Variants in SLCO1C1 observed in about 807,000 individuals in gnomAD.
SLCO1C1 encodes the protein solute carrier organic anion transporter family member 1C1, also known as OAT-RP-5.
SLCO1C1 carries 70 observed loss-of-function variants against 76.4 expected under a neutral mutation model. That is an observed-to-expected ratio of 0.92 (90% confidence interval 0.76 to 1.12). The LOEUF is 1.12. Among genes scored for constraint, SLCO1C1 ranks in the 50% most tolerant of loss-of-function variants. The probability of loss-of-function intolerance (pLI) is 0.00; values close to 1 mark genes in which losing one functional copy is unlikely to be tolerated. For missense variants in SLCO1C1, 912 were observed against 823.8 expected (o/e 1.11, Z -1.31); for synonymous variants, 306 against 286.1 (o/e 1.07, Z -0.70).
chr12:20,699,405 T>C (rs1946412654), intron 1 of SLCO1C1, 147 bp from the exon 2 acceptor site: 3 of 618,068 alleles, frequency 4.9e-6, no homozygotes, highest in Admixed American at 3.9e-5. Context: ...TTGATTTTAA[T>C]TGAAAACATT....
At chr12:20,702,282 T>C (rs1946563122) in intron 3 of SLCO1C1, among the ~76,000 whole-genome samples, 1 of 151,904 alleles carries the variant, frequency 6.6e-6, no homozygotes, top group Admixed American at 6.6e-5. Flanking sequence ...TTTTCAACTC[T>C]TTAACAATTT....
chr12:20,699,914 A>G, intron 2 of SLCO1C1: 1 of 401,712 alleles, frequency 2.5e-6, no homozygotes, highest in Non-Finnish European at 4.2e-6. Flanking sequence ...GCTCATTTAA[A>G]TGCCCCCCCA....
intron 3 of SLCO1C1, among the ~76,000 whole-genome samples, chr12:20,703,620 AATTTT>A (rs533592159): frequency 6.6e-6 from 1 of 151,808 alleles, no homozygotes; most frequent in Non-Finnish European, 1.5e-5. Flanking sequence ...ATCAATGGTT[AATTTT>A]ATTTAGTACT....
At chr12:20,737,041 T>G in intron 10 of SLCO1C1, 66 bp from the exon 11 acceptor site, 1 of 1,342,120 alleles carries the variant, frequency 7.5e-7, no homozygotes, top group Non-Finnish European at 9.7e-7. Flanking sequence ...GAACATTGAT[T>G]TTTTGAAAAT....
At chr12:20,741,401 G>A (rs1588915) in intron 12 of SLCO1C1, among the ~76,000 whole-genome samples, 128,565 of 152,086 alleles carry the variant, frequency 0.85, 55,073 homozygotes, top group South Asian at 0.96. Context: ...AATAGTAACT[G>A]AATATTGATT....
intron 7 of SLCO1C1, 139 bp from the exon 8 acceptor site, chr12:20,721,665 T>TA (rs34902740): frequency 0.013 from 12,332 of 968,260 alleles, no homozygotes; most frequent in East Asian, 0.027. Context: ...AAGATCCAGA[T>TA]AAAAAAAAAA....
intron 13 of SLCO1C1, among the ~76,000 whole-genome samples, chr12:20,748,142 T>G (rs1282842096): frequency 1.3e-5 from 2 of 152,218 alleles, no homozygotes; most frequent in Non-Finnish European, 2.9e-5. Flanking sequence ...ACATGTAGGT[T>G]TGAATTAAGA....
intron 4 of SLCO1C1, among the ~76,000 whole-genome samples, chr12:20,710,210 T>C (rs1298702971): frequency 4.4e-5 from 6 of 135,900 alleles, no homozygotes; most frequent in Non-Finnish European, 7.8e-5. Context: ...CTTTTTTTTT[T>C]TTTTTTTTTT....
chr12:20,743,491 CT>C (rs969588413), intron 13 of SLCO1C1, 122 bp downstream of exon 13: 5 of 632,098 alleles, frequency 7.9e-6, no homozygotes, highest in African/African-American at 1.8e-5. Flanking sequence ...AGTTCATAGT[CT>C]TTTTTATTCC....
chr12:20,743,276 T>G (rs570051144), intron 12 of SLCO1C1, 29 bp from the exon 13 acceptor site: 3 of 1,603,120 alleles, frequency 1.9e-6, no homozygotes, highest in Admixed American at 3.4e-5. Context: ...ATTATATATT[T>G]CTTGTAATGG....
chr12:20,707,877 A>C (rs1270430752), intron 4 of SLCO1C1, among the ~76,000 whole-genome samples: 1 of 152,228 alleles, frequency 6.6e-6, no homozygotes, highest in East Asian at 1.9e-4. Context: ...TAGTGTTGAC[A>C]AAGGATATCA....
At chr12:20,740,448 A>C in intron 12 of SLCO1C1, 80 bp downstream of exon 12, 2 of 1,290,660 alleles carry the variant, frequency 1.5e-6, no homozygotes, top group South Asian at 2.7e-5. Flanking sequence ...TTTTCTGTGG[A>C]GTCTATGATT....
intron 3 of SLCO1C1, among the ~76,000 whole-genome samples, chr12:20,703,675 T>C (rs1425112702): frequency 6.6e-6 from 1 of 151,978 alleles, no homozygotes; most frequent in South Asian, 2.1e-4. Context: ...ATTATTCCCC[T>C]TCCATTTGTT....
chr12:20,714,621 G>T (rs1249963733), intron 5 of SLCO1C1, among the ~76,000 whole-genome samples: 4 of 152,078 alleles, frequency 2.6e-5, no homozygotes, highest in Non-Finnish European at 1.5e-5. Context: ...ATAAATGTAG[G>T]CAATACTGCC....
intron 9 of SLCO1C1, among the ~76,000 whole-genome samples, chr12:20,729,405 C>A (rs1232474547): frequency 1.3e-5 from 2 of 152,084 alleles, no homozygotes; most frequent in African/African-American, 4.8e-5. Context: ...TTATTGGAAA[C>A]CACTGAAAGA....
chr12:20,725,353 A>G (rs1251770236), intron 9 of SLCO1C1, among the ~76,000 whole-genome samples: 3 of 137,306 alleles, frequency 2.2e-5, no homozygotes, highest in Non-Finnish European at 4.7e-5. Flanking sequence ...TAAAATTTAT[A>G]GTATATTACA....
In SLCO1C1 at chr12:20,752,434, C is replaced by A; in HGVS notation, c.2045C>A (p.Thr682Lys). Residue 682 changes from threonine to lysine, a missense_variant, in exon 15 of 15, where the codon ACA becomes AAA. Coordinates refer to ENST00000266509, the MANE Select transcript of SLCO1C1 (RefSeq NM_017435.5). ...AGTTTTATAACCAAGAGAGAAAGAA[C>A]AATGGTGTCTACAAGATTCCAAAAG... ...HRSFITKRERTMVSTRFQKEN... is the reference protein window; with the variant it reads ...HRSFITKRERKMVSTRFQKEN... 6.2e-7 allele frequency: 1 copy of A among 1,613,294 alleles called. No individual in the cohort carries two copies. Among genetic ancestry groups the A allele is most frequent in the Non-Finnish European group, 8.5e-7 (1 of 1,179,524 alleles).
chr12:20,750,817 A>G (rs1565552320), intron 14 of SLCO1C1, 25 bp downstream of exon 14: 1 of 1,613,972 alleles, frequency 6.2e-7, no homozygotes, highest in Non-Finnish European at 8.5e-7. Context: ...GCATTCCCGC[A>G]TCTCATTGCT....
chr12:20,701,802 C>A (rs995392144), intron 3 of SLCO1C1, among the ~76,000 whole-genome samples: 5 of 151,828 alleles, frequency 3.3e-5, no homozygotes, highest in African/African-American at 1.2e-4. Context: ...GAACAATACA[C>A]CCTGGGAGCA....
Sources: gnomAD v4.1 joint callset for allele counts (sites outside exome capture counted in the v4.1 genomes callset) on GRCh38, gnomAD v4.1.1 for gene constraint, MANE v1.5 for transcripts, NCBI Gene and HGNC (gene_info 2026-07-23, HGNC 2026-07-21) for gene names.